The following DAPK1 variants were observed in gnomAD, a reference collection of about 807,000 sequenced individuals.
The protein encoded by DAPK1 is death associated protein kinase 1, also known as death-associated protein kinase 1.
DAPK1 carries 56 observed loss-of-function variants against 144.9 expected under a neutral mutation model. The ratio of observed to expected loss-of-function variants is 0.39; its 90% CI spans 0.31 to 0.48. The LOEUF is 0.48. DAPK1 is among the 20% of genes least tolerant of loss of function. DAPK1 has a pLI of 0.95. For synonymous variants in DAPK1, 690 were observed against 749.0 expected (o/e 0.92, Z 1.29); for missense variants, 1,454 against 1,875.4 (o/e 0.78, Z 4.15).
At chr9:87,682,868 C>T (rs1423781228) in intron 20 of DAPK1, among the ~76,000 whole-genome samples, 2 of 152,150 alleles carry the variant, frequency 1.3e-5, no homozygotes, top group African/African-American at 4.8e-5. Flanking sequence ...ACATCTGGTG[C>T]CTGAGCCAGT....
chr9:87,645,770 G>A (rs1830245499), intron 11 of DAPK1, 125 bp from the exon 12 acceptor site: 1 of 1,227,886 alleles, frequency 8.1e-7, no homozygotes, highest in Non-Finnish European at 1.1e-6. Flanking sequence ...ATGGATTTGG[G>A]GAGTAAATGG....
At chr9:87,556,715 G>A (rs188341179) in intron 2 of DAPK1, among the ~76,000 whole-genome samples, 2 of 152,332 alleles carry the variant, frequency 1.3e-5, no homozygotes, top group Admixed American at 1.3e-4. Flanking sequence ...CGCTCCAGGA[G>A]CTCGCTGGAG....
At chr9:87,560,822 CGCCCG>C (rs1293136602) in intron 2 of DAPK1, among the ~76,000 whole-genome samples, 2 of 151,982 alleles carry the variant, frequency 1.3e-5, no homozygotes, top group Non-Finnish European at 2.9e-5. Flanking sequence ...CCCACCACCA[CGCCCG>C]GCTAACTTTT....
At chr9:87,598,142 A>G (rs981353778) in intron 2 of DAPK1, among the ~76,000 whole-genome samples, 6 of 152,184 alleles carry the variant, frequency 3.9e-5, no homozygotes, top group African/African-American at 7.2e-5. Context: ...TGTAATTCTA[A>G]TATTCTGGCA....
At chr9:87,568,059 C>G (rs907853709) in intron 2 of DAPK1, among the ~76,000 whole-genome samples, 11 of 152,382 alleles carry the variant, frequency 7.2e-5, no homozygotes, top group Non-Finnish European at 7.3e-5. Context: ...CTGTCACCAG[C>G]TCTGCCCCTT....
chr9:87,498,027 C>T lies in DAPK1; in HGVS notation c.-189C>T, dbSNP rs1824242142. On this transcript the variant is annotated 5_prime_UTR_variant, in exon 1 of 26. Coordinates refer to ENST00000408954, the MANE Select transcript of DAPK1 (RefSeq NM_004938.4). ...CCCTAGCTGTGTTCCCGCCGCCGCCCCGGCTAGTCTCCGGCGCTGGCGCCT... is the reference window on the plus strand; with the variant it reads ...CCCTAGCTGTGTTCCCGCCGCCGCCTCGGCTAGTCTCCGGCGCTGGCGCCT... 4 of 397,886 alleles carry T rather than the reference C, an allele frequency of 1.0e-5. No individual in the cohort carries two copies. Among genetic ancestry groups the T allele is most frequent in the Non-Finnish European group, 1.3e-5 (3 of 225,688 alleles). The allele number at this position is 397,886 out of a possible 1,614,324, so 24.6% of individuals were successfully genotyped here.
At chr9:87,574,724 G>T (rs1827479118) in intron 2 of DAPK1, among the ~76,000 whole-genome samples, 1 of 152,188 alleles carries the variant, frequency 6.6e-6, no homozygotes, top group African/African-American at 2.4e-5. Context: ...TTTGAGACCA[G>T]CCTGGCCAAC....
intron 18 of DAPK1, among the ~76,000 whole-genome samples, chr9:87,659,311 G>C (rs1318724279): frequency 1.3e-5 from 2 of 152,146 alleles, no homozygotes; most frequent in Middle Eastern, 3.4e-3. Flanking sequence ...TAGGGCACCT[G>C]GTCACCCACC....
At chr9:87,533,107 T>C (rs763722739) in intron 2 of DAPK1, among the ~76,000 whole-genome samples, 3 of 152,208 alleles carry the variant, frequency 2.0e-5, no homozygotes, top group Non-Finnish European at 4.4e-5. Flanking sequence ...CTTAAAAAAA[T>C]ATGTGTGCCT....
intron 18 of DAPK1, among the ~76,000 whole-genome samples, chr9:87,663,381 AG>A (rs1329927814): frequency 1.3e-5 from 2 of 152,066 alleles, no homozygotes; most frequent in Non-Finnish European, 2.9e-5. Flanking sequence ...GCCACCCCAA[AG>A]GCCCCATGAA....
chr9:87,612,965 G>A (rs969079911), intron 3 of DAPK1, among the ~76,000 whole-genome samples: 5 of 152,206 alleles, frequency 3.3e-5, no homozygotes, highest in Non-Finnish European at 7.3e-5. Context: ...TGGCATGGTG[G>A]ATTGTTCCAG....
intron 2 of DAPK1, among the ~76,000 whole-genome samples, chr9:87,500,730 G>C (rs1824359315): frequency 6.6e-6 from 1 of 152,122 alleles, no homozygotes; most frequent in Non-Finnish European, 1.5e-5. Flanking sequence ...GTGATGATGA[G>C]GGGAGGGAGG....
At chr9:87,587,912 T>C (rs1464355570) in intron 2 of DAPK1, among the ~76,000 whole-genome samples, 1 of 152,262 alleles carries the variant, frequency 6.6e-6, no homozygotes, top group African/African-American at 2.4e-5. Flanking sequence ...TAAGCAACTA[T>C]ATACAATAAT....
chr9:87,503,357 T>C (rs1824479218), intron 2 of DAPK1, among the ~76,000 whole-genome samples: 1 of 152,158 alleles, frequency 6.6e-6, no homozygotes, highest in Non-Finnish European at 1.5e-5. Flanking sequence ...CTTGAACTCC[T>C]GGGCTCAAGC....
chr9:87,636,841 TA>T (rs1202957221), intron 3 of DAPK1, among the ~76,000 whole-genome samples: 1 of 152,216 alleles, frequency 6.6e-6, no homozygotes, highest in Non-Finnish European at 1.5e-5. Flanking sequence ...AAACTCTTAT[TA>T]AAACTTCCCT....
chr9:87,571,477 A>ACCCC (rs1827343946), intron 2 of DAPK1, among the ~76,000 whole-genome samples: 13 of 14,580 alleles, frequency 8.9e-4, no homozygotes, highest in African/African-American at 4.3e-3. Context: ...ACACACACCA[A>ACCCC]CACACACACA....
intron 11 of DAPK1, 100 bp downstream of exon 11, chr9:87,643,568 TG>T: frequency 1.3e-6 from 1 of 789,746 alleles, no homozygotes; most frequent in South Asian, 1.7e-5. Context: ...CCTGAAGTTG[TG>T]GAAATGGCAA....
chr9:87,683,010 A>C (rs1824697594), intron 20 of DAPK1, among the ~76,000 whole-genome samples: 1 of 152,142 alleles, frequency 6.6e-6, no homozygotes, highest in Admixed American at 6.5e-5. Flanking sequence ...TAAAAAATTT[A>C]AAAGTAGATA....
chr9:87,585,000 CTGT>C (rs1414019296), intron 2 of DAPK1, among the ~76,000 whole-genome samples: 1 of 152,142 alleles, frequency 6.6e-6, no homozygotes, highest in African/African-American at 2.4e-5. Flanking sequence ...TGAGAGTTGT[CTGT>C]TAAGTCCATT....
Sources: allele counts gnomAD v4.1 joint callset (sites outside exome capture counted in the v4.1 genomes callset), GRCh38; gene constraint gnomAD v4.1.1; transcripts MANE v1.5; gene names NCBI Gene and HGNC (gene_info 2026-07-23, HGNC 2026-07-21).